ARMC2: variants seen among roughly 807,000 people sequenced by gnomAD.
The protein encoded by ARMC2 is armadillo repeat-containing protein 2.
ARMC2 carries 67 observed loss-of-function variants against 90.3 expected under a neutral mutation model. The ratio of observed to expected loss-of-function variants is 0.74; its 90% CI spans 0.61 to 0.91. The LOEUF is 0.91. Among genes scored for constraint, ARMC2 ranks in the 40% least tolerant of loss-of-function variants. The probability of loss-of-function intolerance (pLI) is 0.00; values close to 1 mark genes in which losing one functional copy is unlikely to be tolerated. For synonymous variants in ARMC2, 393 were observed against 393.0 expected (o/e 1.00, Z 0.00); for missense variants, 920 against 1,030.9 (o/e 0.89, Z 1.47).
chr6:108,912,081 A>C (rs1294457600), intron 9 of ARMC2, among the ~76,000 whole-genome samples: 1 of 152,210 alleles, frequency 6.6e-6, no homozygotes, highest in Admixed American at 6.5e-5. Context: ...GCAAGGAATG[A>C]CATTAATTAA....
chr6:108,907,479 C>G, intron 8 of ARMC2: 4 of 268,908 alleles, frequency 1.5e-5, no homozygotes, highest in Non-Finnish European at 1.8e-5. Flanking sequence ...TTTTTTTTTA[C>G]CAGTCATCTT....
Position 108,881,238 on chromosome 6 carries a change from CTTTCTT to C in ARMC2, c.671+4897_671+4902del, listed in dbSNP as rs1222065330. 1.2e-3 allele frequency among the ~76,000 whole-genome samples: 164 copies of C among 139,096 alleles called. 1 individual carries two copies. The highest frequency in any genetic ancestry group is 4.3e-3 in the Admixed American group (59 of 13,826). 91.3% of individuals were successfully genotyped at this position (139,096 alleles called of 152,430 possible). A position where few individuals can be genotyped will look rare whatever the true frequency, so the allele number is the denominator to read the frequency against. On this transcript the variant is annotated intron_variant, in intron 5 of 17. Coordinates refer to ENST00000392644, the MANE Select transcript of ARMC2 (RefSeq NM_032131.6). The stretch of plus-strand genomic sequence containing the variant: ...TTCTTTTCTTTCTTTCTGTCTTTCT[CTTTCTT>C]TTTCTTTTCTTTCTTCTTTCTTTTC...
chr6:109,042,450 A>C, the ARMC2 span, among the ~76,000 whole-genome samples: 1 of 151,162 alleles, frequency 6.6e-6, no homozygotes, highest in Non-Finnish European at 1.5e-5. Flanking sequence ...AAATTGAAAA[A>C]CCTCTAGCAA....
chr6:109,046,078 G>A, the ARMC2 span, among the ~76,000 whole-genome samples: 1 of 151,918 alleles, frequency 6.6e-6, no homozygotes. Context: ...AAAATCTAAT[G>A]CAATAAGATA....
chr6:108,932,589 C>A (rs1271536276), intron 11 of ARMC2, among the ~76,000 whole-genome samples: 1 of 122,824 alleles, frequency 8.1e-6, no homozygotes, highest in African/African-American at 3.2e-5. Flanking sequence ...AGGGCAGTGG[C>A]GCGGTCTCGG....
At chr6:108,900,966 A>G (rs933538844) in intron 7 of ARMC2, among the ~76,000 whole-genome samples, 5 of 151,990 alleles carry the variant, frequency 3.3e-5, no homozygotes, top group Non-Finnish European at 7.4e-5. Context: ...ATATGTGCAA[A>G]CACTAGTGAG....
At chr6:109,044,758 T>TC in the ARMC2 span, among the ~76,000 whole-genome samples, 1 of 152,018 alleles carries the variant, frequency 6.6e-6, no homozygotes, top group Non-Finnish European at 1.5e-5. Flanking sequence ...GCGCAGTGGC[T>TC]CACGCCTGTA....
At chr6:108,863,050 T>C (rs1217516320) in intron 3 of ARMC2, among the ~76,000 whole-genome samples, 1 of 152,232 alleles carries the variant, frequency 6.6e-6, no homozygotes, top group African/African-American at 2.4e-5. Flanking sequence ...CTGACGCTTG[T>C]GGTTCCTGAT....
chr6:108,981,848 G>T, the ARMC2 span, among the ~76,000 whole-genome samples: 2 of 151,896 alleles, frequency 1.3e-5, no homozygotes, highest in African/African-American at 4.8e-5. Flanking sequence ...TGTATTTTTA[G>T]TAGAGATGGG....
At chr6:108,986,458 C>CTT in the ARMC2 span, 1 of 152,590 alleles carries the variant, frequency 6.6e-6, no homozygotes, top group Non-Finnish European at 1.5e-5. Flanking sequence ...AAAAATTCTT[C>CTT]TTTATTTAAA....
chr6:109,005,037 G>C, the ARMC2 span, among the ~76,000 whole-genome samples: 3 of 152,180 alleles, frequency 2.0e-5, no homozygotes, highest in African/African-American at 7.2e-5. Flanking sequence ...AAATTAAAAA[G>C]TCCCATAGCC....
chr6:108,889,455 T>G (rs1350175433), intron 5 of ARMC2, among the ~76,000 whole-genome samples: 1 of 151,702 alleles, frequency 6.6e-6, no homozygotes, highest in African/African-American at 2.4e-5. Context: ...CTGTTATTAT[T>G]TTTGAGACAG....
chr6:108,929,965 C>T (rs1775399063), intron 11 of ARMC2, among the ~76,000 whole-genome samples: 1 of 151,644 alleles, frequency 6.6e-6, no homozygotes, highest in Non-Finnish European at 1.5e-5. Flanking sequence ...CACCCCCAAC[C>T]CCTGCCAAAA....
intron 10 of ARMC2, among the ~76,000 whole-genome samples, chr6:108,913,742 A>G (rs1390130792): frequency 1.3e-5 from 2 of 152,140 alleles, no homozygotes; most frequent in African/African-American, 2.4e-5. Context: ...GTTACTTTTA[A>G]TAGTCACTTT....
the ARMC2 span, among the ~76,000 whole-genome samples, chr6:109,010,006 C>T: frequency 6.6e-6 from 1 of 152,134 alleles, no homozygotes; most frequent in African/African-American, 2.4e-5. Context: ...GCCCAAACGA[C>T]GCTGAATCGG....
At chr6:108,963,808 G>C (rs1032428754) in intron 15 of ARMC2, among the ~76,000 whole-genome samples, 7 of 152,204 alleles carry the variant, frequency 4.6e-5, no homozygotes, top group African/African-American at 1.7e-4. Context: ...CTCCAGGACT[G>C]TGTATTTAAA....
At chr6:108,940,261 A>G (rs113996959) in intron 12 of ARMC2, among the ~76,000 whole-genome samples, 5,899 of 152,220 alleles carry the variant, frequency 0.039, 252 homozygotes, top group African/African-American at 0.1. Flanking sequence ...GGAAGACTCT[A>G]TCTCGGAAAT....
chr6:108,872,790 C>T (rs2806366), intron 4 of ARMC2, among the ~76,000 whole-genome samples: 115,288 of 152,102 alleles, frequency 0.76, 44,124 homozygotes, highest in Middle Eastern at 0.82. Flanking sequence ...AAGTGTTTGC[C>T]AAACTGAGTT....
At chr6:108,940,487 A>G (rs1184090868) in intron 12 of ARMC2, among the ~76,000 whole-genome samples, 1 of 152,206 alleles carries the variant, frequency 6.6e-6, no homozygotes, top group Non-Finnish European at 1.5e-5. Flanking sequence ...CATAGCACGC[A>G]GGGAAGGTGG....
Sources: allele counts gnomAD v4.1 joint callset (sites outside exome capture counted in the v4.1 genomes callset), GRCh38; gene constraint gnomAD v4.1.1; transcripts MANE v1.5; gene names NCBI Gene and HGNC (gene_info 2026-07-23, HGNC 2026-07-21).